The following SLC25A33 variants were observed in gnomAD, a reference collection of about 807,000 sequenced individuals.
SLC25A33 encodes the protein bone marrow stromal cell mitochondrial carrier protein.
SLC25A33 carries 15 observed loss-of-function variants against 35.5 expected under a neutral mutation model. The observed-to-expected ratio is 0.42, with a 90% CI of 0.28 to 0.65. The LOEUF is 0.65. Among genes scored for constraint, SLC25A33 ranks in the 30% least tolerant of loss-of-function variants. The pLI is 0.20. For synonymous variants in SLC25A33, 136 were observed against 148.7 expected, an observed-to-expected ratio of 0.91 and a Z score of 0.62; for missense variants, 257 against 398.5, an observed-to-expected ratio of 0.64 and a Z score of 3.02.
At chr1:9,579,888 TG>T in intron 5 of SLC25A33, 65 bp from the exon 6 acceptor site, 2 of 1,534,660 alleles carry the variant, frequency 1.3e-6, no homozygotes, top group Non-Finnish European at 1.8e-6. Context: ...GTTCTCCTAC[TG>T]TGTGATGTCT....
At position 9,567,533 on chromosome 1, in the gene SLC25A33, G is replaced by C. The variant is rs1479584092; in HGVS notation, c.314+172G>C. Among the ~76,000 whole-genome samples the C allele has an allele frequency of 3.3e-5, 5 of 152,224 alleles. No individual in the cohort carries two copies. In the East Asian group the frequency reaches 9.6e-4, roughly 29 times the overall value. Reference sequence around the variant, plus strand: ...AGAATGCTAGGCGTGTCTTCAGTGTGTGAAAGAAAGGATTCTACTTACTGT... The same window carrying C: ...AGAATGCTAGGCGTGTCTTCAGTGTCTGAAAGAAAGGATTCTACTTACTGT... On this transcript the variant is annotated intron_variant, in intron 3 of 6. Transcript: ENST00000302692.
chr1:9,554,713 A>G (rs1391435258), intron 2 of SLC25A33, among the ~76,000 whole-genome samples: 1 of 152,200 alleles, frequency 6.6e-6, no homozygotes, highest in Non-Finnish European at 1.5e-5. Flanking sequence ...GTTATGTTTA[A>G]TAAAATGGGC....
intron 4 of SLC25A33, among the ~76,000 whole-genome samples, 160 bp downstream of exon 4, chr1:9,570,518 C>T (rs1380305108): frequency 2.6e-5 from 4 of 151,970 alleles, no homozygotes; most frequent in Admixed American, 6.6e-5. Context: ...AGAGTGAGAG[C>T]GGTTTGTAGC....
intron 2 of SLC25A33, among the ~76,000 whole-genome samples, chr1:9,559,089 C>T (rs1280108044): frequency 6.6e-6 from 1 of 152,188 alleles, no homozygotes; most frequent in Non-Finnish European, 1.5e-5. Flanking sequence ...GGCTGACGTC[C>T]GCTGTCATCA....
intron 2 of SLC25A33, among the ~76,000 whole-genome samples, chr1:9,565,789 A>C (rs1198571109): frequency 1.3e-5 from 2 of 150,988 alleles, no homozygotes; most frequent in African/African-American, 4.9e-5. Context: ...GAGGCAGGAG[A>C]ATGGTGTGAA....
At chr1:9,549,712 C>A (rs1232320739) in intron 1 of SLC25A33, among the ~76,000 whole-genome samples, 1 of 150,986 alleles carries the variant, frequency 6.6e-6, no homozygotes, top group African/African-American at 2.4e-5. Context: ...CCTCCGCCTC[C>A]CAGATTCAAG....
intron 1 of SLC25A33, among the ~76,000 whole-genome samples, chr1:9,548,397 C>G (rs1643211491): frequency 6.6e-6 from 1 of 152,156 alleles, no homozygotes; most frequent in South Asian, 2.1e-4. Context: ...GCCTGGCCAA[C>G]ATGGTGAAAC....
At chr1:9,580,869 AAT>A (rs1643736443) in intron 6 of SLC25A33, among the ~76,000 whole-genome samples, 61 of 96,692 alleles carry the variant, frequency 6.3e-4, no homozygotes, top group East Asian at 8.7e-4. Flanking sequence ...AAAAAAAAAT[AAT>A]AATAATAATA....
intron 2 of SLC25A33, among the ~76,000 whole-genome samples, chr1:9,560,624 A>T (rs915532710): frequency 6.6e-6 from 1 of 152,220 alleles, no homozygotes. Context: ...ACTTTAAAAG[A>T]CTTGTCAGAG....
rs1643761897 is a variant in SLC25A33, at chr1:9,582,607, A to G, written c.*106A>G. On this transcript the variant is annotated 3_prime_UTR_variant, in exon 7 of 7. Transcript: ENST00000302692. The surrounding 1 kb of genome is among the most constrained non-coding windows in gnomAD (Gnocchi z 4.0). ...TTGAGACTGAAACAGGAAAGGCCAT[A>G]AAATATCTGGTTCATATCACCTGTT... is the stretch of plus-strand genomic sequence containing the variant. 1 of 1,092,528 alleles carries G rather than the reference A, an allele frequency of 9.2e-7. No individual in the cohort carries two copies. Among genetic ancestry groups the G allele is most frequent in the South Asian group, 1.6e-5 (1 of 61,972 alleles). 67.7% of individuals were successfully genotyped at this position (1,092,528 alleles called of 1,614,324 possible). A position where few individuals can be genotyped will look rare whatever the true frequency, so the allele number is the denominator to read the frequency against.
chr1:9,543,192 G>A (rs1643119511), intron 1 of SLC25A33, among the ~76,000 whole-genome samples: 1 of 151,934 alleles, frequency 6.6e-6, no homozygotes. Flanking sequence ...TGCCCAGGCT[G>A]GAGTGCAGTG....
intron 1 of SLC25A33, among the ~76,000 whole-genome samples, chr1:9,540,049 T>C (rs1643053743): frequency 6.6e-6 from 1 of 151,824 alleles, no homozygotes; most frequent in African/African-American, 2.4e-5. Flanking sequence ...TGAGTGGTGC[T>C]CGGCGGCGGT....
chr1:9,557,229 G>A (rs1163325310), intron 2 of SLC25A33, among the ~76,000 whole-genome samples: 2 of 152,124 alleles, frequency 1.3e-5, no homozygotes, highest in African/African-American at 2.4e-5. Flanking sequence ...CACTGTGCTC[G>A]GCATGAATAC....
Position 9,553,811 on chromosome 1 carries a change from T to C in SLC25A33, c.236+6T>C. 4 of 1,611,404 alleles carry C rather than the reference T, an allele frequency of 2.5e-6. No homozygotes were observed. The highest frequency in any genetic ancestry group is 3.4e-6 in the Non-Finnish European group (4 of 1,178,270). On this transcript the variant is annotated splice_donor_region_variant and intron_variant, in intron 2 of 6. Coordinates refer to ENST00000302692, the MANE Select transcript of SLC25A33 (RefSeq NM_032315.3). ...GGACTCTTTCAGGTTCTGAAGTAAG[T>C]TCAGTCTTGTCTGCTCCTGCCACCT... is the stretch of plus-strand genomic sequence containing the variant.
At chr1:9,557,429 C>T (rs926424355) in intron 2 of SLC25A33, among the ~76,000 whole-genome samples, 1 of 152,102 alleles carries the variant, frequency 6.6e-6, no homozygotes, top group Non-Finnish European at 1.5e-5. Flanking sequence ...CACGGTGGCT[C>T]ATGCCTGTAT....
At chr1:9,554,123 A>G (rs1430226971) in intron 2 of SLC25A33, among the ~76,000 whole-genome samples, 2 of 152,170 alleles carry the variant, frequency 1.3e-5, no homozygotes, top group African/African-American at 4.8e-5. Context: ...ATAAGAGGTG[A>G]TAGAGTAAAA....
rs1643689830 is a variant in SLC25A33 at position 9,578,151 on chromosome 1, C to T, written c.483-1803C>T. 6.6e-6 allele frequency among the ~76,000 whole-genome samples: 1 copy of T among 152,178 alleles called. No individual in the cohort carries two copies. The highest frequency in any genetic ancestry group is 2.4e-5 in the African/African-American group (1 of 41,432). ...GCCAGGATGGTCTCGATCTCCTGAC[C>T]TCGTGATCTGCCCACCTCAGCCTCC... On this transcript the variant is annotated intron_variant, in intron 5 of 6. Coordinates refer to ENST00000302692, the MANE Select transcript of SLC25A33 (RefSeq NM_032315.3). This position sits in a 1 kb window ranked among gnomAD's most constrained non-coding sequence, Gnocchi z 4.3.
At chr1:9,547,550 T>C (rs1475365930) in intron 1 of SLC25A33, among the ~76,000 whole-genome samples, 4 of 152,158 alleles carry the variant, frequency 2.6e-5, no homozygotes, top group African/African-American at 9.7e-5. Flanking sequence ...CATTTTACGG[T>C]CTTCAAATAG....
At chr1:9,561,268 T>C (rs1264499524) in intron 2 of SLC25A33, among the ~76,000 whole-genome samples, 1 of 152,198 alleles carries the variant, frequency 6.6e-6, no homozygotes, top group African/African-American at 2.4e-5. Context: ...CAAGTGCCTT[T>C]TTCATTGAAA....
Sources: allele counts gnomAD v4.1 joint callset (sites outside exome capture counted in the v4.1 genomes callset), GRCh38; gene constraint gnomAD v4.1.1; non-coding constraint Gnocchi (gnomAD v3.1); transcripts MANE v1.5; gene names NCBI Gene and HGNC (gene_info 2026-07-23, HGNC 2026-07-21).